Variants in RGS7 observed in about 807,000 individuals in gnomAD.
The protein encoded by RGS7 is regulator of G protein signaling 7.
In RGS7, 27 loss-of-function variants were observed where a neutral mutation model predicts 81.1. That is an observed-to-expected ratio of 0.33 (90% confidence interval 0.25 to 0.46). The LOEUF (loss-of-function observed/expected upper bound fraction) is 0.46, where lower values mean the gene tolerates loss of function less well. Among genes scored for constraint, RGS7 ranks in the 20% least tolerant of loss-of-function variants. RGS7 has a pLI of 1.00. For synonymous variants in RGS7, 208 were observed against 207.7 expected (o/e 1.00, Z -0.01); for missense variants, 396 against 607.4 (o/e 0.65, Z 3.66).
chr1:240,803,036 G>A, intron 15 of RGS7, 43 bp from the exon 16 acceptor site: 2 of 1,368,972 alleles, frequency 1.5e-6, no homozygotes, highest in Non-Finnish European at 2.1e-6. Flanking sequence ...ATGATTTCTT[G>A]GGAAAAGTAA....
chr1:241,329,748 C>T (rs1157581000), intron 2 of RGS7, among the ~76,000 whole-genome samples: 1 of 151,966 alleles, frequency 6.6e-6, no homozygotes, highest in African/African-American at 2.4e-5. Context: ...TTTTTTTTAG[C>T]TCTAGGAACT....
At chr1:241,284,673 C>T (rs142674333) in intron 2 of RGS7, among the ~76,000 whole-genome samples, 1,884 of 152,266 alleles carry the variant, frequency 0.012, 23 homozygotes, top group African/African-American at 0.028. Flanking sequence ...AGTCCCAGCT[C>T]CCTACTTGGC....
chr1:241,094,844 T>G (rs2064138411), intron 3 of RGS7, among the ~76,000 whole-genome samples: 1 of 152,206 alleles, frequency 6.6e-6, no homozygotes, highest in Non-Finnish European at 1.5e-5. Flanking sequence ...GGGCATTACT[T>G]GGCCACCATG....
intron 3 of RGS7, among the ~76,000 whole-genome samples, chr1:240,996,079 TC>T (rs1297596857): frequency 6.6e-6 from 1 of 152,212 alleles, no homozygotes; most frequent in Non-Finnish European, 1.5e-5. Flanking sequence ...TTGTTTAATT[TC>T]CAAATGTTTG....
intron 2 of RGS7, among the ~76,000 whole-genome samples, chr1:241,151,345 G>C (rs2068734188): frequency 6.6e-6 from 1 of 152,088 alleles, no homozygotes; most frequent in Non-Finnish European, 1.5e-5. Flanking sequence ...CAGAGAGTCA[G>C]AGCAAAGAAA....
chr1:241,128,283 A>AT, intron 2 of RGS7, among the ~76,000 whole-genome samples: 2 of 148,126 alleles, frequency 1.4e-5, no homozygotes, highest in South Asian at 2.1e-4. Flanking sequence ...TCTCAAAAAA[A>AT]AAAAAAAGTT....
intron 2 of RGS7, among the ~76,000 whole-genome samples, chr1:241,218,225 GGGGAAAT>G (rs2074689248): frequency 6.6e-6 from 1 of 152,084 alleles, no homozygotes; most frequent in Admixed American, 6.5e-5. Flanking sequence ...CTTTGTTTTA[GGGGAAAT>G]GGAATTTAAT....
chr1:241,155,576 A>G (rs2069060655), intron 2 of RGS7, among the ~76,000 whole-genome samples: 1 of 114,890 alleles, frequency 8.7e-6, no homozygotes, highest in Non-Finnish European at 1.7e-5. Flanking sequence ...CTTGAAAAAA[A>G]GAAAAAAAAA....
intron 14 of RGS7, among the ~76,000 whole-genome samples, chr1:240,811,220 T>A (rs1689793124): frequency 6.6e-6 from 1 of 152,242 alleles, no homozygotes; most frequent in African/African-American, 2.4e-5. Context: ...ACAACAGTCT[T>A]ATATAGTGGA....
At chr1:241,086,157 A>C (rs1233753231) in intron 3 of RGS7, among the ~76,000 whole-genome samples, 1 of 152,220 alleles carries the variant, frequency 6.6e-6, no homozygotes, top group African/African-American at 2.4e-5. Flanking sequence ...AAATCCCTCT[A>C]AATTTCAGAC....
rs572469661 is a variant in RGS7 at position 240,933,022 on chromosome 1, T to C, written c.334-2254A>G. ...CCTCAGCCTCCCGAGTAGCTGGGAC[T>C]ACAGGCGCCCGCACCACGCCCGGCT... On this transcript the variant is annotated intron_variant, in intron 5 of 18. Coordinates refer to ENST00000440928, the MANE Select transcript of RGS7 (RefSeq NM_001364886.1). Among the ~76,000 whole-genome samples, 468 of 149,094 alleles carry C rather than the reference T, an allele frequency of 3.1e-3. 5 individuals are homozygous for C. Among genetic ancestry groups the C allele is most frequent in the Admixed American group, 5.8e-3 (86 of 14,904 alleles).
intron 2 of RGS7, among the ~76,000 whole-genome samples, chr1:241,282,534 C>T (rs939863691): frequency 1.3e-4 from 20 of 152,156 alleles, no homozygotes; most frequent in Admixed American, 3.3e-4. Context: ...AGGATCTCTT[C>T]CTTTCTGATC....
At chr1:241,334,867 C>T (rs2082159622) in intron 2 of RGS7, among the ~76,000 whole-genome samples, 1 of 135,894 alleles carries the variant, frequency 7.4e-6, no homozygotes, top group Non-Finnish European at 1.5e-5. Context: ...ACAGAATAAA[C>T]CAAATATTTA....
At chr1:240,776,332 C>CT in intron 18 of RGS7, 119 bp from the exon 19 acceptor site, 1 of 767,078 alleles carries the variant, frequency 1.3e-6, no homozygotes, top group Non-Finnish European at 2.3e-6. Flanking sequence ...ACACTGAACC[C>CT]TTTAAGTCCA....
chr1:241,234,371 T>C (rs2075818352), intron 2 of RGS7, among the ~76,000 whole-genome samples: 1 of 152,228 alleles, frequency 6.6e-6, no homozygotes. Context: ...CGCTTGCCAT[T>C]AAATGCAGTG....
chr1:240,858,345 G>T (rs777221110), intron 9 of RGS7, among the ~76,000 whole-genome samples: 6 of 152,142 alleles, frequency 3.9e-5, no homozygotes, highest in Non-Finnish European at 5.9e-5. Context: ...GTACCATTTT[G>T]CATTTCCACC....
chr1:240,793,816 G>A (rs2103021937), intron 18 of RGS7, among the ~76,000 whole-genome samples: 1 of 151,578 alleles, frequency 6.6e-6, no homozygotes, highest in African/African-American at 2.4e-5. Flanking sequence ...GTTTCACCGT[G>A]TTAGCCAGGA....
Position 240,943,651 on chromosome 1 carries a change from G to A in RGS7, c.227-6945C>T, listed in dbSNP as rs868194668. Among the ~76,000 whole-genome samples, 9 of 152,256 alleles carry A rather than the reference G, an allele frequency of 5.9e-5. No homozygotes were observed. In the Middle Eastern group the frequency reaches 0.01, roughly 173 times the overall value. On this transcript the variant is annotated intron_variant, in intron 4 of 18. Coordinates refer to ENST00000440928, the MANE Select transcript of RGS7 (RefSeq NM_001364886.1). ...GTTTTGTGGGCTGAAATATGCCTAT[G>A]TTTTTCCCTACAGCAAAGAACACTA...
At chr1:240,802,821 C>T in intron 16 of RGS7, 83 bp downstream of exon 16, 2 of 913,528 alleles carry the variant, frequency 2.2e-6, no homozygotes, top group Middle Eastern at 2.2e-4. Context: ...AGTCCAATAC[C>T]CTGGATTCAG....
Sources: gnomAD v4.1 joint callset for allele counts (sites outside exome capture counted in the v4.1 genomes callset) on GRCh38, gnomAD v4.1.1 for gene constraint, MANE v1.5 for transcripts, NCBI Gene and HGNC (gene_info 2026-07-23, HGNC 2026-07-21) for gene names.